Variants in HOMER2 observed in about 807,000 individuals in gnomAD.
The protein encoded by HOMER2 is homer protein homolog 2.
In HOMER2, 27 loss-of-function variants were observed where a neutral mutation model predicts 47.0. That is an observed-to-expected ratio of 0.57 (90% confidence interval 0.42 to 0.79). The LOEUF is 0.79. Ranked by LOEUF, HOMER2 falls within the 30% of genes least tolerant of loss-of-function variation. The probability of loss-of-function intolerance (pLI) is 0.00; values close to 1 mark genes in which losing one functional copy is unlikely to be tolerated. For missense variants in HOMER2, 443 were observed against 435.0 expected (o/e 1.02, Z -0.16); for synonymous variants, 161 against 163.8 (o/e 0.98, Z 0.13).
chr15:82,985,492 G>A (rs2030562147), intron 1 of HOMER2: 1 of 152,218 alleles, frequency 6.6e-6, no homozygotes, highest in Non-Finnish European at 1.5e-5. Context: ...GGGTACAATC[G>A]ACAGGACTTG....
intron 2 of HOMER2, among the ~76,000 whole-genome samples, chr15:82,890,300 CCA>C (rs1419267499): frequency 6.6e-6 from 1 of 152,130 alleles, no homozygotes; most frequent in Non-Finnish European, 1.5e-5. Flanking sequence ...TGAGATCGTG[CCA>C]CTGCACTCCA....
intron 1 of HOMER2, among the ~76,000 whole-genome samples, chr15:82,909,160 A>T (rs1186485324): frequency 1.3e-5 from 2 of 152,204 alleles, no homozygotes; most frequent in African/African-American, 4.8e-5. Flanking sequence ...ATTCAGGTTG[A>T]TTGATCATTC....
chr15:82,981,342 G>A (rs1054999133), intron 1 of HOMER2, among the ~76,000 whole-genome samples: 2 of 152,190 alleles, frequency 1.3e-5, no homozygotes, highest in African/African-American at 4.8e-5. Context: ...CTTTCTGCTG[G>A]TGTGTTTTGC....
chr15:82,895,041 G>A (rs367545196), intron 1 of HOMER2, among the ~76,000 whole-genome samples: 2 of 152,168 alleles, frequency 1.3e-5, no homozygotes, highest in Non-Finnish European at 2.9e-5. Context: ...ACCATCAACC[G>A]TGGTTTTGAA....
At chr15:82,892,952 A>T in intron 1 of HOMER2, 111 bp from the exon 2 acceptor site, 1 of 752,156 alleles carries the variant, frequency 1.3e-6, no homozygotes, top group Non-Finnish European at 1.9e-6. Flanking sequence ...ATAGGGAAAC[A>T]TACATATGCA....
At chr15:82,861,532 T>C (rs2051789072) in intron 4 of HOMER2, among the ~76,000 whole-genome samples, 1 of 152,220 alleles carries the variant, frequency 6.6e-6, no homozygotes, top group African/African-American at 2.4e-5. Flanking sequence ...CTTTATAGTA[T>C]GGTATATTTT....
chr15:82,930,024 C>T (rs115272878), intron 1 of HOMER2, among the ~76,000 whole-genome samples: 253 of 152,220 alleles, frequency 1.7e-3, no homozygotes, highest in African/African-American at 5.9e-3. Context: ...CCACCACGCC[C>T]GGCCTAACAC....
chr15:82,892,796 G>T lies in HOMER2; in HGVS notation c.51C>A (p.Asp17Glu), dbSNP rs770965446. Residue 17 changes from aspartate to glutamate, a missense_variant, in exon 2 of 9, where the codon GAC (aspartate) becomes GAA (glutamate). Transcript: ENST00000450735. ...FTTRAHVFQIDPNTKKNWMPA... is the reference protein window; with the variant it reads ...FTTRAHVFQIEPNTKKNWMPA... ...GCATCCAGTTCTTCTTGGTGTTGGG[G>T]TCAATCTGGAAGACATGCGCTCGGG... 2 of 1,606,192 alleles carry T rather than the reference G, an allele frequency of 1.2e-6. No homozygotes were observed. The highest frequency in any genetic ancestry group is 1.1e-5 in the South Asian group (1 of 89,896).
intron 1 of HOMER2, among the ~76,000 whole-genome samples, chr15:82,943,649 G>A (rs1034865961): frequency 2.0e-5 from 3 of 152,198 alleles, no homozygotes; most frequent in Non-Finnish European, 2.9e-5. Flanking sequence ...AGGCAGTGGG[G>A]TCTGCAATAT....
At chr15:82,850,495 A>G (rs1200219757) in intron 8 of HOMER2, among the ~76,000 whole-genome samples, 1 of 152,230 alleles carries the variant, frequency 6.6e-6, no homozygotes, top group Non-Finnish European at 1.5e-5. Context: ...CATCTAGGTA[A>G]ATCACAAGCA....
intron 1 of HOMER2, among the ~76,000 whole-genome samples, chr15:82,931,804 C>T (rs1343665032): frequency 1.3e-5 from 2 of 152,226 alleles, no homozygotes; most frequent in African/African-American, 4.8e-5. Context: ...CGCCACTGCA[C>T]TCCAGCATGG....
intron 1 of HOMER2, among the ~76,000 whole-genome samples, chr15:82,918,031 G>A (rs548733236): frequency 4.6e-5 from 7 of 152,112 alleles, no homozygotes; most frequent in African/African-American, 1.2e-4. Context: ...GGAGCAGCTC[G>A]GAGCAGGATC....
intron 1 of HOMER2, among the ~76,000 whole-genome samples, chr15:82,934,847 C>T (rs1303943911): frequency 6.6e-6 from 1 of 152,250 alleles, no homozygotes; most frequent in African/African-American, 2.4e-5. Flanking sequence ...TTGCCGCCCA[C>T]TCCCGGAAAA....
upstream of HOMER2, among the ~76,000 whole-genome samples, chr15:82,956,824 G>A (rs1411879200): frequency 6.6e-6 from 1 of 152,142 alleles, no homozygotes; most frequent in Non-Finnish European, 1.5e-5. Context: ...TTATTAGGAT[G>A]GCAGAAGGAA....
chr15:82,870,742 A>T (rs1485800393), intron 3 of HOMER2, among the ~76,000 whole-genome samples: 2 of 152,252 alleles, frequency 1.3e-5, no homozygotes, highest in South Asian at 2.1e-4. Flanking sequence ...CTGAGTGAAT[A>T]AAGTGACTAC....
At chr15:82,910,842 T>C (rs2151148220) in intron 1 of HOMER2, among the ~76,000 whole-genome samples, 1 of 152,278 alleles carries the variant, frequency 6.6e-6, no homozygotes. Context: ...TAACAGTGCC[T>C]AGTTTCAAGT....
chr15:82,978,117 T>A (rs1381226173), intron 1 of HOMER2, among the ~76,000 whole-genome samples: 1 of 152,154 alleles, frequency 6.6e-6, no homozygotes, highest in Non-Finnish European at 1.5e-5. Flanking sequence ...GCCTCTGCAC[T>A]CCAGCCTGGG....
intron 1 of HOMER2, among the ~76,000 whole-genome samples, chr15:82,922,906 C>T (rs1463381129): frequency 6.6e-6 from 1 of 152,140 alleles, no homozygotes. Flanking sequence ...ATGCCCCCTG[C>T]TCATGTCACC....
chr15:82,958,871 T>C (rs75591339), exon 2 of HOMER2: 4,864 of 152,476 alleles, frequency 0.032, 97 homozygotes, highest in Middle Eastern at 0.056. Flanking sequence ...GAGGCAAAAA[T>C]AGAAATGACC....
Sources: allele counts gnomAD v4.1 joint callset (sites outside exome capture counted in the v4.1 genomes callset), GRCh38; gene constraint gnomAD v4.1.1; transcripts MANE v1.5; gene names NCBI Gene and HGNC (gene_info 2026-07-23, HGNC 2026-07-21).